The following ELMO1 variants were observed in gnomAD, a reference collection of about 807,000 sequenced individuals.
ELMO1 encodes the protein engulfment and cell motility protein 1.
ELMO1 carries 26 observed loss-of-function variants against 98.9 expected under a neutral mutation model. The observed-to-expected ratio is 0.26, with a 90% CI of 0.19 to 0.36. The LOEUF is 0.36. ELMO1 is among the 10% of genes least tolerant of loss of function. The probability of loss-of-function intolerance (pLI) is 1.00; values close to 1 mark genes in which losing one functional copy is unlikely to be tolerated. For synonymous variants in ELMO1, 346 were observed against 346.0 expected, an observed-to-expected ratio of 1.00 and a Z score of 0.00; for missense variants, 627 against 935.2, an observed-to-expected ratio of 0.67 and a Z score of 4.30.
At chr7:36,914,495 T>C (rs532024352) in intron 16 of ELMO1, among the ~76,000 whole-genome samples, 21 of 151,922 alleles carry the variant, frequency 1.4e-4, no homozygotes, top group Non-Finnish European at 2.9e-4. Flanking sequence ...CGTAAGGTAC[T>C]ATATGAAATG....
At chr7:37,042,267 G>A (rs964814136) in intron 15 of ELMO1, among the ~76,000 whole-genome samples, 2 of 151,112 alleles carry the variant, frequency 1.3e-5, no homozygotes, top group African/African-American at 2.4e-5. Context: ...CATATGCACT[G>A]GGAATTTGAG....
At chr7:37,221,271 A>G (rs116773250) in intron 10 of ELMO1, among the ~76,000 whole-genome samples, 1,698 of 152,206 alleles carry the variant, frequency 0.011, 21 homozygotes, top group African/African-American at 0.038. Flanking sequence ...ACAAACCAGA[A>G]CCCCTCATGT....
chr7:37,134,508 G>A (rs186647472), intron 13 of ELMO1, among the ~76,000 whole-genome samples: 6 of 147,218 alleles, frequency 4.1e-5, no homozygotes, highest in East Asian at 2.0e-4. Flanking sequence ...GCAGTGAGTC[G>A]AGATCACGCC....
chr7:37,224,196 T>C (rs1229271336), intron 9 of ELMO1, among the ~76,000 whole-genome samples: 1 of 152,226 alleles, frequency 6.6e-6, no homozygotes, highest in Admixed American at 6.5e-5. Context: ...CAATCCAAAA[T>C]ACTTGAATTT....
chr7:37,076,726 A>G lies in ELMO1; in HGVS notation c.1300+19893T>C, dbSNP rs368470001. On this transcript the variant is annotated intron_variant, in intron 15 of 21. Transcript: ENST00000310758. ...TGAGTATCTAGCAGCAGCAGGACCC[A>G]TCTGCTGGTTTCTCACCTCCTTCCG... Among the ~76,000 whole-genome samples the G allele has an allele frequency of 2.6e-5, 4 of 152,338 alleles. No homozygotes were observed. The South Asian group carries it at 8.3e-4, about 32-fold the overall frequency.
chr7:36,926,577 G>A (rs574361574), intron 16 of ELMO1, among the ~76,000 whole-genome samples: 1 of 152,122 alleles, frequency 6.6e-6, no homozygotes, highest in Non-Finnish European at 1.5e-5. Context: ...AAACCCATAT[G>A]ACTGAAGTTT....
intron 15 of ELMO1, among the ~76,000 whole-genome samples, chr7:37,058,513 G>C (rs1046566697): frequency 6.6e-6 from 1 of 152,164 alleles, no homozygotes; most frequent in Non-Finnish European, 1.5e-5. Flanking sequence ...GCAGAGAAGA[G>C]AGTGAGGAAA....
chr7:37,086,859 C>T (rs1266856940), intron 15 of ELMO1, among the ~76,000 whole-genome samples: 3 of 152,008 alleles, frequency 2.0e-5, no homozygotes, highest in African/African-American at 7.2e-5. Flanking sequence ...AGAGTCATCC[C>T]GTGAAGTTTC....
intron 16 of ELMO1, among the ~76,000 whole-genome samples, chr7:37,000,074 C>T (rs1792538575): frequency 6.6e-6 from 1 of 152,210 alleles, no homozygotes; most frequent in South Asian, 2.1e-4. Context: ...CAGGCTTGCC[C>T]AGTGCCAAAA....
intron 13 of ELMO1, among the ~76,000 whole-genome samples, chr7:37,210,080 C>T (rs552460790): frequency 6.6e-6 from 1 of 151,590 alleles, no homozygotes; most frequent in Admixed American, 6.6e-5. Context: ...AGAAACACTA[C>T]TGGAGAGAGT....
At chr7:36,939,472 C>T (rs1428563566) in intron 16 of ELMO1, among the ~76,000 whole-genome samples, 1 of 152,192 alleles carries the variant, frequency 6.6e-6, no homozygotes, top group Non-Finnish European at 1.5e-5. Flanking sequence ...CAACTCTTCC[C>T]GCAGGCTCTG....
intron 13 of ELMO1, among the ~76,000 whole-genome samples, chr7:37,182,302 C>G (rs1204013266): frequency 6.6e-6 from 1 of 152,158 alleles, no homozygotes; most frequent in African/African-American, 2.4e-5. Flanking sequence ...TCTAAGCAAT[C>G]ACTCAGTGTA....
At chr7:37,412,243 T>C (rs1042462251) in intron 1 of ELMO1, among the ~76,000 whole-genome samples, 2 of 152,188 alleles carry the variant, frequency 1.3e-5, no homozygotes, top group African/African-American at 4.8e-5. Flanking sequence ...AAGGAATGGA[T>C]GGGTCCATGA....
At position 37,150,965 on chromosome 7, in the gene ELMO1, C is replaced by T. The variant is rs1000987977; in HGVS notation, c.1087-17731G>A. ...GACCCTGCTCAAGTACTCGCTGAAG[C>T]GCCTCCCTGCAGGTCAGCATCCAGC... On this transcript the variant is annotated intron_variant, in intron 13 of 21. Coordinates refer to ENST00000310758, the MANE Select transcript of ELMO1 (RefSeq NM_014800.11). 2.6e-5 allele frequency among the ~76,000 whole-genome samples: 4 copies of T among 152,214 alleles called. No homozygotes were observed. The South Asian group carries it at 8.3e-4, about 32-fold the overall frequency.
chr7:37,091,529 C>T (rs1584629383), intron 15 of ELMO1, among the ~76,000 whole-genome samples: 1 of 152,214 alleles, frequency 6.6e-6, no homozygotes, highest in East Asian at 1.9e-4. Context: ...ACAGTAAGCA[C>T]ATGTGTATTC....
At chr7:37,077,323 T>C (rs1021360667) in intron 15 of ELMO1, among the ~76,000 whole-genome samples, 2 of 152,172 alleles carry the variant, frequency 1.3e-5, no homozygotes, top group Non-Finnish European at 2.9e-5. Context: ...GGGTCTGAAT[T>C]GTACAAGCAC....
intron 15 of ELMO1, 149 bp from the exon 16 acceptor site, chr7:37,013,584 C>T: frequency 1.1e-6 from 1 of 879,780 alleles, no homozygotes; most frequent in Non-Finnish European, 1.7e-6. Flanking sequence ...AAAAAAGCAA[C>T]CAAAGGATGG....
At chr7:37,080,899 A>C (rs530568769) in intron 15 of ELMO1, among the ~76,000 whole-genome samples, 1 of 152,158 alleles carries the variant, frequency 6.6e-6, no homozygotes, top group South Asian at 2.1e-4. Context: ...TCTTTTCCAG[A>C]CACTATCTTG....
chr7:36,920,601 G>A (rs995107002), intron 16 of ELMO1, among the ~76,000 whole-genome samples: 2 of 152,030 alleles, frequency 1.3e-5, no homozygotes, highest in African/African-American at 2.4e-5. Flanking sequence ...AATCTAAATA[G>A]ATCACTATAG....
Sources: gnomAD v4.1 joint callset for allele counts (sites outside exome capture counted in the v4.1 genomes callset) on GRCh38, gnomAD v4.1.1 for gene constraint, MANE v1.5 for transcripts, NCBI Gene and HGNC (gene_info 2026-07-23, HGNC 2026-07-21) for gene names.